The following EYS variants were observed in gnomAD, a reference collection of about 807,000 sequenced individuals.
EYS encodes protein eyes shut homolog.
EYS carries 250 observed loss-of-function variants against 282.1 expected under a neutral mutation model. The observed-to-expected ratio is 0.89, with a 90% CI of 0.80 to 0.98. The LOEUF is 0.98. EYS is among the 50% of genes least tolerant of loss of function. The probability of loss-of-function intolerance (pLI) is 0.00; values close to 1 mark genes in which losing one functional copy is unlikely to be tolerated. For synonymous variants in EYS, 1,355 were observed against 1,282.9 expected (o/e 1.06, Z -1.20); for missense variants, 4,016 against 3,709.0 (o/e 1.08, Z -2.15).
At chr6:65,568,020 A>G (rs142588948) in intron 2 of EYS, among the ~76,000 whole-genome samples, 1 of 152,050 alleles carries the variant, frequency 6.6e-6, no homozygotes, top group East Asian at 1.9e-4. Context: ...CACCTAGAAC[A>G]AGAATTATTT....
In EYS at chr6:64,639,084, G is replaced by A. The variant is rs182535520; in HGVS notation, c.3444-12839C>T. ...GACAGGATTGGTATCCTCTGAAGCC[G>A]TCTCCTTGACTTGTGAGAGACTGTC... On this transcript the variant is annotated intron_variant, in intron 22 of 42. Coordinates refer to ENST00000503581, the MANE Select transcript of EYS (RefSeq NM_001142800.2). Among the ~76,000 whole-genome samples the A allele has an allele frequency of 4.1e-4, 37 of 89,360 alleles. 15 individuals are homozygous for A. The highest frequency in any genetic ancestry group is 2.6e-4 in the Non-Finnish European group (11 of 42,154). 58.6% of individuals were successfully genotyped at this position (89,360 alleles called of 152,430 possible).
chr6:64,410,529 T>G (rs1430704967), intron 28 of EYS, among the ~76,000 whole-genome samples: 2 of 152,156 alleles, frequency 1.3e-5, no homozygotes, highest in Non-Finnish European at 2.9e-5. Flanking sequence ...TTAGTTGGAT[T>G]TAAATGAAAA....
In EYS at chr6:64,477,750, C is replaced by T. The variant is rs117512369; in HGVS notation, c.5645-38398G>A. On this transcript the variant is annotated intron_variant, in intron 26 of 42. Transcript: ENST00000503581. Reference sequence around the variant, plus strand: ...AATGAGCCAGCTGAGAAACACTACTCTACTGAGATATTGCTTCAAAAGGAA... The same window carrying T: ...AATGAGCCAGCTGAGAAACACTACTTTACTGAGATATTGCTTCAAAAGGAA... 2.7e-3 allele frequency among the ~76,000 whole-genome samples: 405 copies of T among 152,124 alleles called. 5 individuals are homozygous for T. The East Asian group carries it at 0.055, about 21-fold the overall frequency.
intron 11 of EYS, among the ~76,000 whole-genome samples, chr6:65,314,007 C>T (rs1465086944): frequency 6.6e-6 from 1 of 152,144 alleles, no homozygotes; most frequent in African/African-American, 2.4e-5. Context: ...CCCCTCCAGC[C>T]TTGCTGACCT....
chr6:64,010,127 G>T (rs1241652422), intron 33 of EYS, among the ~76,000 whole-genome samples: 3 of 152,164 alleles, frequency 2.0e-5, no homozygotes, highest in Non-Finnish European at 2.9e-5. Context: ...TGCTGTGCTG[G>T]CAGGGCTGAG....
intron 22 of EYS, among the ~76,000 whole-genome samples, chr6:64,712,182 G>T (rs1016711792): frequency 6.6e-6 from 1 of 152,182 alleles, no homozygotes; most frequent in Non-Finnish European, 1.5e-5. Context: ...AACAGAAAAA[G>T]ACATGTAGCA....
At chr6:65,549,015 C>T (rs1282238640) in intron 2 of EYS, among the ~76,000 whole-genome samples, 2 of 152,108 alleles carry the variant, frequency 1.3e-5, no homozygotes, top group African/African-American at 2.4e-5. Flanking sequence ...CCCTCACATG[C>T]GCAGTTCAAA....
rs1769072353 is a variant in EYS, at chr6:65,687,607, AAGGGCATTCAATT to A, written c.-448+19515_-448+19527del. Among the ~76,000 whole-genome samples, 3 of 152,250 alleles carry A rather than the reference AAGGGCATTCAATT, an allele frequency of 2.0e-5. No homozygotes were observed. The South Asian group carries it at 6.2e-4, about 32-fold the overall frequency. ...GACAATCAGGCAAGAGAAGGAAATA[AAGGGCATTCAATT>A]AGGAAAAGAGGAAGTCAAATTGTCC... On this transcript the variant is annotated intron_variant, in intron 1 of 42. Coordinates refer to ENST00000503581, the MANE Select transcript of EYS (RefSeq NM_001142800.2).
intron 23 of EYS, among the ~76,000 whole-genome samples, chr6:64,624,828 T>C (rs1429180677): frequency 1.3e-5 from 2 of 152,150 alleles, no homozygotes; most frequent in Non-Finnish European, 1.5e-5. Context: ...AGGGTTTCCA[T>C]AGGCTTTCTG....
chr6:65,089,846 C>G (rs1474549990), intron 12 of EYS, among the ~76,000 whole-genome samples: 1 of 150,826 alleles, frequency 6.6e-6, no homozygotes, highest in Non-Finnish European at 1.5e-5. Context: ...ATCCCAGCTA[C>G]TGGGTAGGTT....
intron 22 of EYS, among the ~76,000 whole-genome samples, chr6:64,782,567 C>G (rs1773893401): frequency 6.6e-6 from 1 of 152,116 alleles, no homozygotes; most frequent in African/African-American, 2.4e-5. Context: ...AGGATAAGTG[C>G]ATTCCACATT....
chr6:65,012,032 GT>G, intron 13 of EYS, among the ~76,000 whole-genome samples: 1 of 152,282 alleles, frequency 6.6e-6, no homozygotes, highest in South Asian at 2.1e-4. Flanking sequence ...TACCCTGGAG[GT>G]TGCTATCACT....
intron 22 of EYS, among the ~76,000 whole-genome samples, chr6:64,746,734 A>T (rs1772567783): frequency 6.6e-6 from 1 of 152,228 alleles, no homozygotes; most frequent in Non-Finnish European, 1.5e-5. Flanking sequence ...ATATAGGCTG[A>T]TGTGCTTTTG....
At chr6:64,163,775 T>C (rs1413320937) in intron 31 of EYS, among the ~76,000 whole-genome samples, 1 of 152,108 alleles carries the variant, frequency 6.6e-6, no homozygotes, top group African/African-American at 2.4e-5. Flanking sequence ...TTGAAAAATT[T>C]CAAGTGATAT....
intron 31 of EYS, among the ~76,000 whole-genome samples, chr6:64,228,664 T>C (rs1442385095): frequency 1.3e-5 from 2 of 152,108 alleles, no homozygotes; most frequent in African/African-American, 4.8e-5. Flanking sequence ...TATAAAATGA[T>C]TAATAATATG....
intron 40 of EYS, among the ~76,000 whole-genome samples, chr6:63,771,470 T>C (rs973664662): frequency 6.6e-6 from 1 of 152,172 alleles, no homozygotes; most frequent in Non-Finnish European, 1.5e-5. Context: ...GATCTAAAAA[T>C]GTAAATGGCT....
chr6:65,701,898 C>T (rs1561912380), intron 1 of EYS, among the ~76,000 whole-genome samples: 2 of 152,156 alleles, frequency 1.3e-5, no homozygotes, highest in Non-Finnish European at 2.9e-5. Context: ...CATTGAGTTG[C>T]ATTCTTTTAA....
chr6:64,745,341 T>C (rs1772520208), intron 22 of EYS, among the ~76,000 whole-genome samples: 1 of 152,126 alleles, frequency 6.6e-6, no homozygotes, highest in Non-Finnish European at 1.5e-5. Flanking sequence ...AGTAGGTGAA[T>C]AGTGAATTAA....
At chr6:63,788,445 G>T (rs992076766) in intron 38 of EYS, among the ~76,000 whole-genome samples, 196 bp from the exon 39 acceptor site, 1 of 152,158 alleles carries the variant, frequency 6.6e-6, no homozygotes, top group African/African-American at 2.4e-5. Flanking sequence ...TAATATAGCA[G>T]TCATGGTTTT....
Sources: allele counts gnomAD v4.1 joint callset (sites outside exome capture counted in the v4.1 genomes callset), GRCh38; gene constraint gnomAD v4.1.1; transcripts MANE v1.5; gene names NCBI Gene and HGNC (gene_info 2026-07-23, HGNC 2026-07-21).